The following ROBO1 variants were observed in gnomAD, a reference collection of about 807,000 sequenced individuals.
ROBO1 encodes the protein roundabout guidance receptor 1.
A neutral mutation model predicts 195.9 loss-of-function variants in ROBO1; 149 were observed. That is an observed-to-expected ratio of 0.76 (90% CI 0.67 to 0.87). The LOEUF (loss-of-function observed/expected upper bound fraction) is 0.87, where lower values mean the gene tolerates loss of function less well. Ranked by LOEUF, ROBO1 falls within the 40% of genes least tolerant of loss-of-function variation. ROBO1 has a pLI of 0.00. For synonymous variants in ROBO1, 816 were observed against 733.2 expected (o/e 1.11, Z -1.82); for missense variants, 1,933 against 2,068.3 (o/e 0.93, Z 1.27).
chr3:79,301,143 T>G (rs550255388), intron 2 of ROBO1, among the ~76,000 whole-genome samples: 2 of 152,286 alleles, frequency 1.3e-5, no homozygotes, highest in South Asian at 4.1e-4. Flanking sequence ...ACGCTGCTTT[T>G]ATGAGCTTTA....
At chr3:79,628,452 A>C (rs1945244448) in intron 1 of ROBO1, among the ~76,000 whole-genome samples, 1 of 152,066 alleles carries the variant, frequency 6.6e-6, no homozygotes, top group Non-Finnish European at 1.5e-5. Flanking sequence ...AAGGACACAG[A>C]GAGGAGAACG....
intron 5 of ROBO1, among the ~76,000 whole-genome samples, chr3:78,732,936 C>T (rs2082315748): frequency 1.3e-5 from 2 of 152,088 alleles, no homozygotes; most frequent in Admixed American, 1.3e-4. Flanking sequence ...AAACCTGTAC[C>T]ATCTGGTAGT....
chr3:78,651,827 G>C lies in ROBO1; in HGVS notation c.2717C>G (p.Ala906Gly), dbSNP rs756775504. The change falls in exon 19 of 31, where the codon GCC becomes GGC. Residue 906 changes from alanine (A) to glycine (G), a missense_variant. Coordinates refer to ENST00000464233, the MANE Select transcript of ROBO1 (RefSeq NM_002941.4). ...QPAFIAGIGA[A>G]CWIILMVFSI... ...GAAGACCATGAGGATGATCCAACAG[G>C]CTGCTCCAATACCTGCTATGAAGGC... 1 of 1,613,782 alleles carries C rather than the reference G, an allele frequency of 6.2e-7. No homozygotes were observed. Among genetic ancestry groups the C allele is most frequent in the Non-Finnish European group, 8.5e-7 (1 of 1,179,768 alleles).
intron 4 of ROBO1, among the ~76,000 whole-genome samples, chr3:78,805,755 TCTAGATATAGC>T (rs1288661868): frequency 1.3e-5 from 2 of 152,120 alleles, no homozygotes; most frequent in African/African-American, 2.4e-5. Flanking sequence ...TAAAATATAC[TCTAGATATAGC>T]ATATTTAGAT....
intron 1 of ROBO1, among the ~76,000 whole-genome samples, chr3:79,652,542 G>T (rs111824184): frequency 1.2e-3 from 187 of 152,146 alleles, no homozygotes; most frequent in African/African-American, 4.1e-3. Context: ...ATTAACAGAA[G>T]AATCTATCGC....
intron 4 of ROBO1, among the ~76,000 whole-genome samples, chr3:78,779,728 C>A (rs868248928): frequency 3.3e-5 from 5 of 152,114 alleles, no homozygotes; most frequent in Admixed American, 1.3e-4. Flanking sequence ...CCAGAAATAC[C>A]ATTTGACCTA....
At chr3:78,878,468 C>A (rs945030562) in intron 4 of ROBO1, among the ~76,000 whole-genome samples, 1 of 151,234 alleles carries the variant, frequency 6.6e-6, no homozygotes, top group Non-Finnish European at 1.5e-5. Flanking sequence ...GCCTGTAATT[C>A]CAGCTACTTG....
intron 3 of ROBO1, among the ~76,000 whole-genome samples, chr3:79,086,881 A>G (rs1421265512): frequency 6.6e-6 from 1 of 152,090 alleles, no homozygotes; most frequent in East Asian, 1.9e-4. Flanking sequence ...TGAGGTCTTA[A>G]TTTTCTCTAC....
chr3:78,863,490 G>A (rs886167345), intron 4 of ROBO1, among the ~76,000 whole-genome samples: 2 of 152,188 alleles, frequency 1.3e-5, no homozygotes, highest in Non-Finnish European at 2.9e-5. Context: ...AGCCAGCAAA[G>A]GAGGTTCTGC....
chr3:78,858,054 C>T (rs1475298070), intron 4 of ROBO1, among the ~76,000 whole-genome samples: 2 of 152,050 alleles, frequency 1.3e-5, no homozygotes, highest in Non-Finnish European at 2.9e-5. Flanking sequence ...CGGATGCCTC[C>T]AGCTCCCAGC....
At chr3:78,848,016 A>G (rs1032243750) in intron 4 of ROBO1, among the ~76,000 whole-genome samples, 4 of 152,170 alleles carry the variant, frequency 2.6e-5, no homozygotes, top group African/African-American at 7.2e-5. Flanking sequence ...TTTTCCTGTC[A>G]AAAGGTAACA....
chr3:79,424,048 T>A (rs2038340866), intron 2 of ROBO1, among the ~76,000 whole-genome samples: 1 of 152,044 alleles, frequency 6.6e-6, no homozygotes, highest in Non-Finnish European at 1.5e-5. Context: ...TCATATTTAC[T>A]CTTGTAGTTT....
intron 2 of ROBO1, among the ~76,000 whole-genome samples, chr3:79,493,552 T>C (rs1055159197): frequency 3.9e-5 from 6 of 152,082 alleles, no homozygotes; most frequent in Non-Finnish European, 8.8e-5. Flanking sequence ...TTGTTTTGTT[T>C]TTTGTTTTGG....
chr3:79,475,801 C>A (rs1376141783), intron 2 of ROBO1, among the ~76,000 whole-genome samples: 1 of 151,958 alleles, frequency 6.6e-6, no homozygotes, highest in African/African-American at 2.4e-5. Context: ...TTGTAAACCC[C>A]TAAGTACAAC....
At chr3:79,339,265 T>A (rs894020363) in intron 2 of ROBO1, among the ~76,000 whole-genome samples, 2 of 152,212 alleles carry the variant, frequency 1.3e-5, no homozygotes, top group Admixed American at 6.5e-5. Context: ...CAGCTCACAA[T>A]AGTCTTTTGC....
At chr3:79,412,277 A>G (rs1284495641) in intron 2 of ROBO1, among the ~76,000 whole-genome samples, 1 of 152,170 alleles carries the variant, frequency 6.6e-6, no homozygotes, top group Non-Finnish European at 1.5e-5. Context: ...ATGCCAGGAG[A>G]GATAAGCTGA....
At chr3:79,069,331 T>G (rs2079051174) in intron 3 of ROBO1, among the ~76,000 whole-genome samples, 1 of 151,856 alleles carries the variant, frequency 6.6e-6, no homozygotes, top group African/African-American at 2.4e-5. Flanking sequence ...CATTTCAGAT[T>G]GTGTAGCATT....
chr3:78,860,331 T>TTC (rs2034753538), intron 4 of ROBO1, among the ~76,000 whole-genome samples: 1 of 143,768 alleles, frequency 7.0e-6, no homozygotes, highest in African/African-American at 2.5e-5. Context: ...TATATATTTT[T>TTC]TTTTTTTTAC....
At chr3:79,347,488 T>C (rs1279713639) in intron 2 of ROBO1, among the ~76,000 whole-genome samples, 1 of 152,194 alleles carries the variant, frequency 6.6e-6, no homozygotes, top group Non-Finnish European at 1.5e-5. Context: ...GATGACATGA[T>C]AAGTGAATAA....
Sources: gnomAD v4.1 joint callset for allele counts (sites outside exome capture counted in the v4.1 genomes callset) on GRCh38, gnomAD v4.1.1 for gene constraint, MANE v1.5 for transcripts, NCBI Gene and HGNC (gene_info 2026-07-23, HGNC 2026-07-21) for gene names.